The following SYT1 variants were observed in gnomAD, a reference collection of about 807,000 sequenced individuals.
The protein encoded by SYT1 is synaptotagmin 1.
In SYT1, 8 loss-of-function variants were observed where a neutral mutation model predicts 44.8. That is an observed-to-expected ratio of 0.18 (90% CI 0.10 to 0.32). SYT1 has a LOEUF of 0.32. Ranked by LOEUF, SYT1 falls within the 10% of genes least tolerant of loss-of-function variation. The pLI, the probability that SYT1 is intolerant of heterozygous loss-of-function variation, is 1.00. For synonymous variants in SYT1, 154 were observed against 188.8 expected (o/e 0.82, Z 1.51); for missense variants, 286 against 509.3 (o/e 0.56, Z 4.22).
At chr12:78,876,382 A>C (rs1488099806) in intron 1 of SYT1, among the ~76,000 whole-genome samples, 1 of 150,520 alleles carries the variant, frequency 6.6e-6, no homozygotes, top group African/African-American at 2.4e-5. Context: ...AGCCTCAATC[A>C]TAAATGTTCC....
At chr12:79,208,944 T>C (rs935860023) in intron 3 of SYT1, among the ~76,000 whole-genome samples, 5 of 152,162 alleles carry the variant, frequency 3.3e-5, no homozygotes, top group Admixed American at 2.6e-4. Context: ...TGTGACTTGT[T>C]GAATGGGTAA....
chr12:78,988,814 T>C (rs1031252438), intron 2 of SYT1, among the ~76,000 whole-genome samples: 1 of 152,160 alleles, frequency 6.6e-6, no homozygotes, highest in Admixed American at 6.6e-5. Context: ...AATGATTGAC[T>C]ATTATACAAA....
chr12:79,449,289 A>C lies in SYT1; in HGVS notation c.*165A>C, dbSNP rs1461180192. ...AATTTGCACAAATTTAAATGTAGAG[A>C]GCCCCTAAGTCCTTCATCATACCAC... On this transcript the variant is annotated 3_prime_UTR_variant, in exon 11 of 11. Coordinates refer to ENST00000261205, the MANE Select transcript of SYT1 (RefSeq NM_005639.3). 1 of 722,924 alleles carries C rather than the reference A, an allele frequency of 1.4e-6. No homozygotes were observed. 44.8% of individuals were successfully genotyped at this position (722,924 alleles called of 1,614,324 possible). A position where few individuals can be genotyped will look rare whatever the true frequency, so the allele number is the denominator to read the frequency against.
At chr12:79,159,202 G>T (rs1249749290) in intron 3 of SYT1, among the ~76,000 whole-genome samples, 1 of 152,162 alleles carries the variant, frequency 6.6e-6, no homozygotes, top group Middle Eastern at 3.2e-3. Context: ...AGCATAGGCT[G>T]GTGGATTCTC....
chr12:79,210,866 A>G (rs555123589), intron 3 of SYT1, among the ~76,000 whole-genome samples: 17 of 152,004 alleles, frequency 1.1e-4, no homozygotes, highest in Non-Finnish European at 2.4e-4. Context: ...TGGCCATTTT[A>G]CATATTGGTT....
intron 9 of SYT1, among the ~76,000 whole-genome samples, chr12:79,385,910 T>C (rs1884417695): frequency 6.6e-6 from 1 of 152,202 alleles, no homozygotes. Context: ...GGTCTATGAC[T>C]AAGTTAAAAA....
At chr12:79,296,362 A>G (rs1879875649) in intron 7 of SYT1, 126 bp downstream of exon 7, 1 of 973,560 alleles carries the variant, frequency 1.0e-6, no homozygotes, top group Admixed American at 2.9e-5. Flanking sequence ...TTCCAGTCAG[A>G]ATATGCAAAA....
intron 3 of SYT1, among the ~76,000 whole-genome samples, chr12:79,214,380 T>C (rs999612692): frequency 1.4e-4 from 21 of 152,204 alleles, no homozygotes; most frequent in African/African-American, 4.8e-4. Context: ...TATAGAGGAT[T>C]GGTTTGGAAA....
chr12:79,288,658 A>G (rs1879428279), intron 5 of SYT1, among the ~76,000 whole-genome samples: 1 of 152,190 alleles, frequency 6.6e-6, no homozygotes, highest in African/African-American at 2.4e-5. Flanking sequence ...GTTCTTTTGT[A>G]TGTGTTAAAA....
intron 1 of SYT1, among the ~76,000 whole-genome samples, chr12:78,896,522 A>G (rs1442964368): frequency 6.6e-6 from 1 of 151,792 alleles, no homozygotes; most frequent in South Asian, 2.1e-4. Flanking sequence ...TTTTTAAGGA[A>G]AGAGAGAACA....
At chr12:78,882,083 G>T (rs1334228997) in intron 1 of SYT1, among the ~76,000 whole-genome samples, 1 of 151,602 alleles carries the variant, frequency 6.6e-6, no homozygotes, top group African/African-American at 2.4e-5. Context: ...TAAGAGGTCG[G>T]GGGCCATGTA....
chr12:79,272,678 T>C (rs147561374), intron 4 of SYT1, among the ~76,000 whole-genome samples: 1 of 152,122 alleles, frequency 6.6e-6, no homozygotes, highest in African/African-American at 2.4e-5. Context: ...TAGTGAGGCA[T>C]GGGAAAGCAT....
intron 3 of SYT1, among the ~76,000 whole-genome samples, chr12:79,061,277 A>C (rs908905454): frequency 6.6e-6 from 1 of 151,982 alleles, no homozygotes; most frequent in Non-Finnish European, 1.5e-5. Flanking sequence ...GCTAACCAAT[A>C]ATTTTTTAGC....
chr12:79,228,302 T>C (rs1875650349), intron 4 of SYT1, among the ~76,000 whole-genome samples: 1 of 152,182 alleles, frequency 6.6e-6, no homozygotes, highest in African/African-American at 2.4e-5. Context: ...ATCTGTTTTA[T>C]CAACTCCCAT....
chr12:79,433,660 T>C (rs2136183585), intron 9 of SYT1, among the ~76,000 whole-genome samples: 1 of 152,316 alleles, frequency 6.6e-6, no homozygotes, highest in African/African-American at 2.4e-5. Flanking sequence ...TACAAACAGT[T>C]TATCCTCAGT....
rs373398255 is a variant in SYT1 at position 78,963,755 on chromosome 12, G to T, written c.-216-14044G>T. Among the ~76,000 whole-genome samples the T allele has an allele frequency of 1.9e-4, 29 of 152,224 alleles. 1 individual carries two copies. The highest frequency in any genetic ancestry group is 7.0e-4 in the African/African-American group (29 of 41,544). On this transcript the variant is annotated intron_variant, in intron 1 of 10. Transcript: ENST00000261205. ...GAAAAAGGGTTCAGCTGCTAAAAAA[G>T]CAAGAGGAGGCTTCTCAGAAAATTA...
chr12:79,264,030 T>A (rs1392105444), intron 4 of SYT1, among the ~76,000 whole-genome samples: 1 of 152,190 alleles, frequency 6.6e-6, no homozygotes, highest in East Asian at 1.9e-4. Context: ...ATTGGATTAA[T>A]AAAAAGAGCT....
At chr12:78,943,441 A>G (rs1878492325) in intron 1 of SYT1, among the ~76,000 whole-genome samples, 2 of 152,164 alleles carry the variant, frequency 1.3e-5, no homozygotes, top group Admixed American at 6.5e-5. Context: ...GGGAGGTGCC[A>G]CAAGCTTCTA....
At chr12:79,249,503 A>G (rs1407774301) in intron 4 of SYT1, among the ~76,000 whole-genome samples, 1 of 152,168 alleles carries the variant, frequency 6.6e-6, no homozygotes, top group African/African-American at 2.4e-5. Flanking sequence ...GGACATACAC[A>G]ACTCTATGGA....
Sources: allele counts gnomAD v4.1 joint callset (sites outside exome capture counted in the v4.1 genomes callset), GRCh38; gene constraint gnomAD v4.1.1; transcripts MANE v1.5; gene names NCBI Gene and HGNC (gene_info 2026-07-23, HGNC 2026-07-21).